The following PSMA1 variants were observed in gnomAD, a reference collection of about 807,000 sequenced individuals.
The protein encoded by PSMA1 is proteasome subunit alpha type-1.
A neutral mutation model predicts 38.4 loss-of-function variants in PSMA1; 3 were observed. The observed-to-expected ratio is 0.08, with a 90% CI of 0.04 to 0.20. PSMA1 has a LOEUF of 0.20. Among genes scored for constraint, PSMA1 ranks in the 10% least tolerant of loss-of-function variants. The pLI is 1.00. For synonymous variants in PSMA1, 101 were observed against 107.1 expected, an observed-to-expected ratio of 0.94 and a Z score of 0.35; for missense variants, 227 against 325.3, an observed-to-expected ratio of 0.70 and a Z score of 2.32.
chr11:14,518,053 T>C, intron 2 of PSMA1, 72 bp from the exon 3 acceptor site: 1 of 1,137,410 alleles, frequency 8.8e-7, no homozygotes, highest in African/African-American at 1.6e-5. Flanking sequence ...GGTTTTCAAA[T>C]ATCAGGTGAG....
intron 2 of PSMA1, among the ~76,000 whole-genome samples, chr11:14,558,535 C>A (rs535680592): frequency 1.5e-4 from 23 of 152,314 alleles, no homozygotes; most frequent in African/African-American, 5.5e-4. Flanking sequence ...GCTGTAGTTC[C>A]CTCTACTGAC....
intron 2 of PSMA1, among the ~76,000 whole-genome samples, chr11:14,587,498 C>T (rs2134186460): frequency 6.6e-6 from 1 of 152,310 alleles, no homozygotes; most frequent in Middle Eastern, 3.4e-3. Context: ...AATTACTTCA[C>T]CATTCCCTTT....
rs140851735 is a variant in PSMA1, at chr11:14,568,018, T to A, written c.21+42948A>T. On this transcript the variant is annotated intron_variant, in intron 2 of 10. Coordinates refer to the PSMA1 transcript ENST00000418988. ...AACAGAAACACACATAAAACTAGGT[T>A]ATGTATTGATTGGTTGATGAAAATG... Among the ~76,000 whole-genome samples the A allele has an allele frequency of 2.5e-3, 386 of 152,346 alleles. 1 individual carries two copies. The highest frequency in any genetic ancestry group is 8.8e-3 in the African/African-American group (367 of 41,586).
At chr11:14,630,840 A>G (rs1001407422) in intron 1 of PSMA1, among the ~76,000 whole-genome samples, 2 of 152,088 alleles carry the variant, frequency 1.3e-5, no homozygotes, top group African/African-American at 4.8e-5. Context: ...CCACAATTTC[A>G]GCTCCTGTTA....
chr11:14,531,073 C>T (rs1361303697), intron 2 of PSMA1, among the ~76,000 whole-genome samples: 1 of 152,012 alleles, frequency 6.6e-6, no homozygotes, highest in African/African-American at 2.4e-5. Context: ...TGTGGAATTG[C>T]TTATACTTTG....
chr11:14,592,398 T>G (rs986018208), intron 2 of PSMA1, among the ~76,000 whole-genome samples: 1 of 111,556 alleles, frequency 9.0e-6, no homozygotes, highest in African/African-American at 3.8e-5. Context: ...ATATATATTT[T>G]TTTTTTAGAT....
chr11:14,578,055 C>A (rs1227891473), intron 2 of PSMA1, among the ~76,000 whole-genome samples: 1 of 151,072 alleles, frequency 6.6e-6, no homozygotes, highest in African/African-American at 2.4e-5. Context: ...AGGTGAACAT[C>A]ACACACCGGG....
chr11:14,605,874 CTTTAG>C lies in PSMA1; in HGVS notation c.21+5087_21+5091del, dbSNP rs147373886. Among the ~76,000 whole-genome samples the C allele has an allele frequency of 8.7e-3, 1,331 of 152,262 alleles. 16 individuals are homozygous for C. Among genetic ancestry groups the C allele is most frequent in the African/African-American group, 0.031 (1,281 of 41,544 alleles). On this transcript the variant is annotated intron_variant, in intron 2 of 10. Transcript: ENST00000418988. ...TAGTTTCTTTTGCTATGCAGAATCT[CTTTAG>C]TTTAATTAGGTGTCACTTGTCAATG...
chr11:14,552,225 A>C (rs1369816455), intron 2 of PSMA1, among the ~76,000 whole-genome samples: 1 of 152,164 alleles, frequency 6.6e-6, no homozygotes, highest in African/African-American at 2.4e-5. Context: ...CCTCAGCACG[A>C]AAAGTTCCCG....
At chr11:14,543,899 C>A (rs1440220024) in intron 2 of PSMA1, among the ~76,000 whole-genome samples, 1 of 152,148 alleles carries the variant, frequency 6.6e-6, no homozygotes, top group African/African-American at 2.4e-5. Flanking sequence ...ATACAGTTCA[C>A]TCATTTAAAG....
intron 2 of PSMA1, among the ~76,000 whole-genome samples, chr11:14,538,419 G>C (rs1345940183): frequency 6.6e-6 from 1 of 152,180 alleles, no homozygotes; most frequent in Non-Finnish European, 1.5e-5. Context: ...GGCCTTCCCT[G>C]CATCCAGATG....
At chr11:14,564,191 T>C (rs1030837196) in intron 2 of PSMA1, among the ~76,000 whole-genome samples, 2 of 152,064 alleles carry the variant, frequency 1.3e-5, no homozygotes, top group Non-Finnish European at 2.9e-5. Context: ...ATACCCACCA[T>C]CCTCCTACCC....
chr11:14,549,040 G>T (rs554648145), intron 2 of PSMA1, among the ~76,000 whole-genome samples: 1 of 152,006 alleles, frequency 6.6e-6, no homozygotes, highest in South Asian at 2.1e-4. Flanking sequence ...AAAAAGCCCT[G>T]ATGGTTGCTA....
intron 2 of PSMA1, among the ~76,000 whole-genome samples, chr11:14,574,735 C>G (rs1852192022): frequency 6.6e-6 from 1 of 152,172 alleles, no homozygotes; most frequent in Non-Finnish European, 1.5e-5. Flanking sequence ...CTTCCCCTTC[C>G]ACAATAATTA....
chr11:14,629,826 T>A (rs1479936862), intron 1 of PSMA1, among the ~76,000 whole-genome samples: 14 of 152,072 alleles, frequency 9.2e-5, no homozygotes, highest in South Asian at 2.1e-4. Context: ...CATTTGTTTG[T>A]ATCCTCTTTT....
At chr11:14,532,573 C>T (rs905536929) in intron 2 of PSMA1, among the ~76,000 whole-genome samples, 5 of 151,170 alleles carry the variant, frequency 3.3e-5, no homozygotes, top group African/African-American at 1.2e-4. Context: ...CCACTGCACT[C>T]CAGCCTGGGT....
intron 1 of PSMA1, among the ~76,000 whole-genome samples, chr11:14,623,784 A>G (rs1852880300): frequency 6.6e-6 from 1 of 152,224 alleles, no homozygotes. Context: ...TGGACCTCCC[A>G]TCACCAAAGC....
In PSMA1 at chr11:14,571,581, G is replaced by A. The variant is rs1392501791; in HGVS notation, c.21+39385C>T. ...AACATGCCAAACTGTGAAGACCATT[G>A]ATGCTAGGAAGAAACTGCATCAACT... On this transcript the variant is annotated intron_variant, in intron 2 of 10. Coordinates refer to the PSMA1 transcript ENST00000418988. 5.9e-5 allele frequency among the ~76,000 whole-genome samples: 9 copies of A among 152,232 alleles called. No homozygotes were observed. The East Asian group carries it at 1.2e-3, about 20-fold the overall frequency.
At chr11:14,601,045 A>G (rs1852574972) in intron 2 of PSMA1, among the ~76,000 whole-genome samples, 1 of 152,238 alleles carries the variant, frequency 6.6e-6, no homozygotes, top group South Asian at 2.1e-4. Context: ...ACTCATTCCC[A>G]GTAAATAGCA....
Sources: gnomAD v4.1 joint callset for allele counts (sites outside exome capture counted in the v4.1 genomes callset) on GRCh38, gnomAD v4.1.1 for gene constraint, MANE v1.5 for transcripts, NCBI Gene and HGNC (gene_info 2026-07-23, HGNC 2026-07-21) for gene names.